The following PCNT variants were observed in gnomAD, a reference collection of about 807,000 sequenced individuals.
PCNT encodes kendrin.
In PCNT, 319 loss-of-function variants were observed where a neutral mutation model predicts 380.4. That is an observed-to-expected ratio of 0.84 (90% CI 0.77 to 0.92). PCNT has a LOEUF of 0.92. Among genes scored for constraint, PCNT ranks in the 40% least tolerant of loss-of-function variants. The pLI, the probability that PCNT is intolerant of heterozygous loss-of-function variation, is 0.00. For missense variants in PCNT, 4,400 were observed against 4,255.3 expected (o/e 1.03, Z -0.95); for synonymous variants, 1,845 against 1,735.2 (o/e 1.06, Z -1.57).
chr21:46,419,876 G>A (rs1009563166), intron 31 of PCNT, among the ~76,000 whole-genome samples: 29 of 152,308 alleles, frequency 1.9e-4, no homozygotes, highest in Admixed American at 1.4e-3. Flanking sequence ...AAAGTGCTGG[G>A]ATTACAGGCA....
At chr21:46,426,486 G>T (rs1256583564) in intron 33 of PCNT, among the ~76,000 whole-genome samples, 3 of 152,228 alleles carry the variant, frequency 2.0e-5, no homozygotes, top group East Asian at 1.9e-4. Flanking sequence ...TCAGGCCTGT[G>T]CCCTGTGTGA....
intron 2 of PCNT, among the ~76,000 whole-genome samples, chr21:46,334,168 G>A (rs753792878): frequency 1.2e-4 from 18 of 149,410 alleles, no homozygotes; most frequent in Non-Finnish European, 2.4e-4. Context: ...TTGTGCCACT[G>A]CACTCCAGCC....
chr21:46,412,153 G>A lies in PCNT; in HGVS notation c.5994+86G>A, dbSNP rs1299426405. On this transcript the variant is annotated intron_variant, in intron 28 of 46. Coordinates refer to ENST00000359568, the MANE Select transcript of PCNT (RefSeq NM_006031.6). ...TGTCAATGACTTCTCTCTGCGCTGG[G>A]CACTGGGGGCTGCAGTTGTCATGGT... is the stretch of plus-strand genomic sequence containing the variant. 19 of 1,450,706 alleles carry A rather than the reference G, an allele frequency of 1.3e-5. No homozygotes were observed. The East Asian group carries it at 4.4e-4, about 33-fold the overall frequency. 89.9% of individuals were successfully genotyped at this position (1,450,706 alleles called of 1,614,324 possible).
chr21:46,357,070 A>G lies in PCNT; in HGVS notation c.2033A>G (p.Lys678Arg), dbSNP rs149623054. ...GTCTTGGGTCTGGAAACTGAGCACA[A>G]GGTGCAACTTTCGCTTCTTCAGACT... ...ARVLGLETEHKVQLSLLQTEL... is the reference protein window; with the variant it reads ...ARVLGLETEHRVQLSLLQTEL... Residue 678 changes from lysine (K) to arginine (R), a missense_variant, in exon 13 of 47, where the codon AAG (lysine) becomes AGG (arginine). By Grantham distance (26) the Lys-to-Arg change is conservative. Transcript: ENST00000359568. 8.0e-4 allele frequency: 1,296 copies of G among 1,614,174 alleles called. 5 individuals are homozygous for G. The highest frequency in any genetic ancestry group is 5.4e-3 in the South Asian group (493 of 91,080).
chr21:46,435,573 C>G (rs559269900), intron 38 of PCNT, among the ~76,000 whole-genome samples: 25 of 150,690 alleles, frequency 1.7e-4, no homozygotes, highest in African/African-American at 6.1e-4. Flanking sequence ...GATGGAGTCT[C>G]ACTCTGTTGT....
At chr21:46,359,870 TTTC>T (rs2084642037) in intron 13 of PCNT, among the ~76,000 whole-genome samples, 1 of 151,840 alleles carries the variant, frequency 6.6e-6, no homozygotes, top group South Asian at 2.1e-4. Flanking sequence ...CCTTTTTTTT[TTTC>T]TTTTTTTTTG....
At chr21:46,373,436 T>G (rs1281493489) in intron 15 of PCNT, among the ~76,000 whole-genome samples, 1 of 148,094 alleles carries the variant, frequency 6.8e-6, no homozygotes, top group African/African-American at 2.5e-5. Flanking sequence ...ATACTCTTTT[T>G]TTTTTTTTTT....
chr21:46,439,537 C>T (rs1276370641), intron 41 of PCNT, among the ~76,000 whole-genome samples: 1 of 152,202 alleles, frequency 6.6e-6, no homozygotes, highest in Non-Finnish European at 1.5e-5. Flanking sequence ...TCACTTGCAG[C>T]ACCTCATTCA....
intron 40 of PCNT, 59 bp from the exon 41 acceptor site, chr21:46,438,105 A>G: frequency 7.5e-7 from 1 of 1,342,274 alleles, no homozygotes; most frequent in Non-Finnish European, 1.1e-6. Flanking sequence ...CAAAAAACAC[A>G]AGTAATGTTC....
At chr21:46,421,432 C>G (rs2087245567) in intron 31 of PCNT, among the ~76,000 whole-genome samples, 1 of 148,036 alleles carries the variant, frequency 6.8e-6, no homozygotes, top group South Asian at 2.1e-4. Flanking sequence ...CTGCAGGTCT[C>G]TGGGATGGAC....
chr21:46,381,197 TG>T (rs1401904420), intron 15 of PCNT, among the ~76,000 whole-genome samples: 2 of 138 alleles, frequency 0.014, no homozygotes, highest in African/African-American at 0.091. Context: ...AAAAAATCTC[TG>T]TGTGTGTGTG....
chr21:46,385,171 A>G (rs2085787342), intron 16 of PCNT, among the ~76,000 whole-genome samples: 1 of 152,174 alleles, frequency 6.6e-6, no homozygotes, highest in South Asian at 2.1e-4. Context: ...CCTGGGCAAC[A>G]TAGGGAGACC....
intron 5 of PCNT, 147 bp from the exon 6 acceptor site, chr21:46,347,310 G>A (rs1346685112): frequency 1.2e-6 from 1 of 825,002 alleles, no homozygotes; most frequent in African/African-American, 1.7e-5. Context: ...TGTTATTAAA[G>A]CCAAGCATCA....
rs749723316 is a variant in PCNT, at chr21:46,436,033, G to A, written c.8881G>A (p.Ala2961Thr). ...CCACCTAGGTTCTGCCCGCAGGGCT[G>A]CCGGCTCGGATGCGGACCACCTCCG... is the stretch of plus-strand genomic sequence containing the variant. The part of the protein sequence containing the change: ...RLHLGSARRA[A>T]GSDADHLREQ... The change falls in exon 39 of 47, where the codon GCC (alanine) becomes ACC (threonine). Residue 2961 changes from alanine (A) to threonine (T), a missense_variant. By Grantham distance (58) the Ala-to-Thr change is moderately conservative. Coordinates refer to ENST00000359568, the MANE Select transcript of PCNT (RefSeq NM_006031.6). The A allele has an allele frequency of 2.5e-6, 4 of 1,613,842 alleles. No individual in the cohort carries two copies. The highest frequency in any genetic ancestry group is 8.5e-7 in the Non-Finnish European group (1 of 1,180,002).
In PCNT at chr21:46,445,401, G is replaced by A. The variant is rs2053727492; in HGVS notation, c.*74G>A. The stretch of plus-strand genomic sequence containing the variant: ...TTTGTTTTTCCCTTTTCCCAAGGAA[G>A]CTCGTGGGACAGCATGGGCACTACT... On this transcript the variant is annotated 3_prime_UTR_variant, in exon 47 of 47. Coordinates refer to ENST00000359568, the MANE Select transcript of PCNT (RefSeq NM_006031.6). The A allele has an allele frequency of 5.0e-6, 6 of 1,208,204 alleles. No individual in the cohort carries two copies. Among genetic ancestry groups the A allele is most frequent in the Non-Finnish European group, 7.4e-6 (6 of 809,532 alleles). 74.8% of individuals were successfully genotyped at this position (1,208,204 alleles called of 1,614,324 possible). A position where few individuals can be genotyped will look rare whatever the true frequency, so the allele number is the denominator to read the frequency against.
At chr21:46,353,514 T>C (rs2084351393) in intron 10 of PCNT, among the ~76,000 whole-genome samples, 188 bp downstream of exon 10, 1 of 152,150 alleles carries the variant, frequency 6.6e-6, no homozygotes, top group African/African-American at 2.4e-5. Flanking sequence ...CATGTGTGTG[T>C]GCGAGCCATT....
Position 46,388,595 on chromosome 21 carries a change from G to C in PCNT, c.3465-147G>C, listed in dbSNP as rs1368904142. On this transcript the variant is annotated intron_variant, in intron 17 of 46. Transcript: ENST00000359568. The surrounding 1 kb of genome is among the most constrained non-coding windows in gnomAD (Gnocchi z 4.2). ...GCCTCAGCTTCCTGTGCTCACATGG[G>C]CATGAGGATCATGTCTTCCGGCCCC... 3 of 986,008 alleles carry C rather than the reference G, an allele frequency of 3.0e-6. No homozygotes were observed. The highest frequency in any genetic ancestry group is 4.7e-6 in the Non-Finnish European group (3 of 632,164). 61.1% of individuals were successfully genotyped at this position (986,008 alleles called of 1,614,324 possible). A position where few individuals can be genotyped will look rare whatever the true frequency, so the allele number is the denominator to read the frequency against.
At chr21:46,417,642 T>TA (rs1359578332) in intron 30 of PCNT, among the ~76,000 whole-genome samples, 1 of 152,182 alleles carries the variant, frequency 6.6e-6, no homozygotes, top group Non-Finnish European at 1.5e-5. Flanking sequence ...GGCTCATGCT[T>TA]GTAGTCTCAG....
chr21:46,411,870 C>G lies in PCNT; in HGVS notation c.5797C>G (p.Leu1933Val), dbSNP rs765597545. Reference protein sequence around the residue: ...RAQCARLSRQLQVLHQRFLRC... With the variant: ...RAQCARLSRQVQVLHQRFLRC... ...GCAGTGTGCCCGCCTCAGCCGCCAG[C>G]TGCAGGTGCTGCACCAGCGGTTCCT... The change falls in exon 28 of 47, where the codon CTG becomes GTG. Residue 1933 changes from leucine to valine, a missense_variant. Coordinates refer to ENST00000359568, the MANE Select transcript of PCNT (RefSeq NM_006031.6). 1.1e-5 allele frequency: 18 copies of G among 1,567,016 alleles called. No homozygotes were observed.
Sources: allele counts gnomAD v4.1 joint callset (sites outside exome capture counted in the v4.1 genomes callset), GRCh38; gene constraint gnomAD v4.1.1; non-coding constraint Gnocchi (gnomAD v3.1); transcripts MANE v1.5; gene names NCBI Gene and HGNC (gene_info 2026-07-23, HGNC 2026-07-21).